The following VWA8 variants were observed in gnomAD, a reference collection of about 807,000 sequenced individuals.
VWA8 encodes von Willebrand factor A domain-containing protein 8.
Under a neutral mutation model 241.5 loss-of-function variants are expected in VWA8, and 221 were observed. That is an observed-to-expected ratio of 0.91 (90% CI 0.82 to 1.02). The LOEUF (loss-of-function observed/expected upper bound fraction) is 1.02. Ranked by LOEUF, VWA8 falls within the 50% of genes least tolerant of loss-of-function variation. The probability of loss-of-function intolerance (pLI) is 0.00; values close to 1 mark genes in which losing one functional copy is unlikely to be tolerated. For synonymous variants in VWA8, 852 were observed against 827.1 expected, an observed-to-expected ratio of 1.03 and a Z score of -0.52; for missense variants, 2,322 against 2,328.7, an observed-to-expected ratio of 1.00 and a Z score of 0.06.
intron 20 of VWA8, among the ~76,000 whole-genome samples, chr13:41,772,261 A>C (rs536920000): frequency 1.3e-5 from 2 of 152,326 alleles, no homozygotes; most frequent in East Asian, 3.9e-4. Flanking sequence ...CAATTTTCAC[A>C]ATAAATATTT....
chr13:41,618,658 G>A (rs2044637233), intron 37 of VWA8, among the ~76,000 whole-genome samples: 2 of 152,256 alleles, frequency 1.3e-5, no homozygotes, highest in South Asian at 2.1e-4. Context: ...TGTATAAGGT[G>A]TAAGAAAGGG....
chr13:41,917,643 C>A (rs1240495781), intron 2 of VWA8, among the ~76,000 whole-genome samples: 2 of 152,136 alleles, frequency 1.3e-5, no homozygotes, highest in Non-Finnish European at 2.9e-5. Context: ...CTGCTGTGTA[C>A]CCTGGACACC....
rs1294615042 is a variant in VWA8 at position 41,868,363 on chromosome 13, T to C, written c.1195A>G (p.Lys399Glu). 1.2e-6 allele frequency: 2 copies of C among 1,614,092 alleles called. No homozygotes were observed. The highest frequency in any genetic ancestry group is 1.7e-6 in the Non-Finnish European group (2 of 1,180,000). Residue 399 changes from lysine (K) to glutamate (E), a missense_variant, in exon 10 of 45, where the codon AAA becomes GAA. Lys to Glu is a moderately conservative substitution (Grantham distance 56, BLOSUM62 1). Transcript: ENST00000379310. ...TTAATTACCTTAATGGTCACCTCTT[T>C]ATCTGCAATCCGGATGGTCACAGAA... The part of the protein sequence containing the change: ...QASVTIRIAD[K>E]EVTIKVPAGT...
At chr13:41,637,978 C>T (rs12866345) in intron 37 of VWA8, among the ~76,000 whole-genome samples, 4,934 of 152,300 alleles carry the variant, frequency 0.032, 90 homozygotes, top group South Asian at 0.078. Context: ...TGAAACCTCA[C>T]ACAAGATTCA....
chr13:41,892,836 T>C (rs1182078549), intron 4 of VWA8, among the ~76,000 whole-genome samples: 1 of 152,192 alleles, frequency 6.6e-6, no homozygotes, highest in Non-Finnish European at 1.5e-5. Context: ...CTTCCCTAGT[T>C]CAAGCTCTCC....
chr13:41,865,694 A>G (rs771559260), intron 12 of VWA8, 42 bp downstream of exon 12: 2 of 1,606,848 alleles, frequency 1.2e-6, no homozygotes, highest in East Asian at 4.5e-5. Context: ...GCCTAAGCAT[A>G]TATGCTTATA....
chr13:41,918,621 G>C (rs898083178), intron 2 of VWA8, among the ~76,000 whole-genome samples: 1 of 151,910 alleles, frequency 6.6e-6, no homozygotes. Flanking sequence ...AAATATATTA[G>C]TTCTGCAAAA....
At chr13:41,923,283 C>T (rs550888886) in intron 2 of VWA8, among the ~76,000 whole-genome samples, 3 of 151,468 alleles carry the variant, frequency 2.0e-5, no homozygotes, top group South Asian at 2.1e-4. Context: ...CGGGGCTTGC[C>T]GTGGGGTGGG....
intron 26 of VWA8, among the ~76,000 whole-genome samples, chr13:41,704,121 T>C (rs1414119361): frequency 1.3e-5 from 2 of 152,238 alleles, no homozygotes; most frequent in African/African-American, 2.4e-5. Flanking sequence ...CCCACATTTG[T>C]ATGTTGTATA....
chr13:41,950,378 T>G lies in VWA8; in HGVS notation c.164-365A>C, dbSNP rs549603895. ...CCATAGAGTAAAATCTTTTTTTTTT[T>G]TTGTTTTTGAGATGGAGTCTCACTC... On this transcript the variant is annotated intron_variant, in intron 1 of 44. Transcript: ENST00000379310. Among the ~76,000 whole-genome samples the G allele has an allele frequency of 6.4e-3, 973 of 152,252 alleles. 6 individuals are homozygous for G. The highest frequency in any genetic ancestry group is 0.022 in the African/African-American group (915 of 41,536).
intron 12 of VWA8, among the ~76,000 whole-genome samples, chr13:41,834,612 A>G (rs1213740915): frequency 1.3e-5 from 2 of 152,222 alleles, no homozygotes; most frequent in African/African-American, 4.8e-5. Context: ...CTGTAGAAAC[A>G]GGAACATTTT....
intron 26 of VWA8, among the ~76,000 whole-genome samples, chr13:41,713,076 C>T (rs146643199): frequency 2.0e-4 from 30 of 152,206 alleles, no homozygotes; most frequent in Non-Finnish European, 4.1e-4. Flanking sequence ...TTTCACTTGC[C>T]GTTGGCAAAA....
At chr13:41,770,778 T>C (rs528135518) in intron 20 of VWA8, among the ~76,000 whole-genome samples, 20 of 151,746 alleles carry the variant, frequency 1.3e-4, no homozygotes, top group African/African-American at 4.8e-4. Flanking sequence ...ATAAGAAATA[T>C]ATAATATATT....
chr13:41,812,724 G>A (rs1269469510), intron 16 of VWA8, among the ~76,000 whole-genome samples: 1 of 151,854 alleles, frequency 6.6e-6, no homozygotes, highest in Non-Finnish European at 1.5e-5. Flanking sequence ...ATTTCCTTTG[G>A]GAATTAGGTT....
intron 4 of VWA8, among the ~76,000 whole-genome samples, chr13:41,901,893 T>C (rs200988232): frequency 2.5e-5 from 2 of 78,930 alleles, no homozygotes; most frequent in East Asian, 3.5e-4. Flanking sequence ...AAAAAAAATA[T>C]ATATATATAT....
chr13:41,629,292 A>C (rs1293731635), intron 37 of VWA8, among the ~76,000 whole-genome samples: 1 of 152,070 alleles, frequency 6.6e-6, no homozygotes, highest in East Asian at 1.9e-4. Context: ...CATACAACTT[A>C]CCCATGTAAC....
intron 44 of VWA8, among the ~76,000 whole-genome samples, chr13:41,569,195 G>A (rs2044283642): frequency 6.6e-6 from 1 of 152,218 alleles, no homozygotes; most frequent in South Asian, 2.1e-4. Context: ...TTTGCCAGTG[G>A]ATGTTGGACC....
chr13:41,776,817 AT>A, intron 20 of VWA8, among the ~76,000 whole-genome samples: 1 of 152,176 alleles, frequency 6.6e-6, no homozygotes, highest in South Asian at 2.1e-4. Context: ...TAGTTATCTA[AT>A]TTCTAAGCCT....
At chr13:41,777,848 T>C in intron 20 of VWA8, 137 bp downstream of exon 20, 2 of 656,000 alleles carry the variant, frequency 3.0e-6, no homozygotes, top group Middle Eastern at 4.3e-4. Flanking sequence ...GTTTAGAAGG[T>C]AGCAGAGTCT....
Sources: allele counts gnomAD v4.1 joint callset (sites outside exome capture counted in the v4.1 genomes callset), GRCh38; gene constraint gnomAD v4.1.1; transcripts MANE v1.5; gene names NCBI Gene and HGNC (gene_info 2026-07-23, HGNC 2026-07-21).